CFAP141: variants seen among roughly 807,000 people sequenced by gnomAD.
The protein encoded by CFAP141 is cilia and flagella associated protein 141, also known as cilia- and flagella-associated protein 141.
At chr1:154,199,387 C>T in the CFAP141 span, 2 of 1,367,094 alleles carry the variant, frequency 1.5e-6, no homozygotes, top group Admixed American at 3.8e-5. Context: ...GCTAGGTTAG[C>T]AGGCATGTTG....
the CFAP141 span, chr1:154,200,439 G>C: frequency 6.2e-6 from 10 of 1,613,196 alleles, no homozygotes; most frequent in Admixed American, 1.7e-4. Flanking sequence ...GAGACTTCAG[G>C]TTGCCCTGCT....
At chr1:154,200,711 TCA>T in the CFAP141 span, 5 of 1,127,606 alleles carry the variant, frequency 4.4e-6, no homozygotes, top group Non-Finnish European at 6.3e-6. Context: ...AGACAGAGTT[TCA>T]CTCTTGTTGC....
At chr1:154,206,239 A>C in the CFAP141 span, 1 of 1,608,164 alleles carries the variant, frequency 6.2e-7, no homozygotes, top group Admixed American at 1.7e-5. Flanking sequence ...AACTTCATCA[A>C]ACTTCAACCC....
the CFAP141 span, chr1:154,205,546 A>G: frequency 6.5e-7 from 1 of 1,543,602 alleles, no homozygotes; most frequent in Non-Finnish European, 9.0e-7. Context: ...GGAAGACAGC[A>G]GAGTGGAAAG....
chr1:154,204,153 C>A, the CFAP141 span, among the ~76,000 whole-genome samples: 1 of 152,020 alleles, frequency 6.6e-6, no homozygotes, highest in Non-Finnish European at 1.5e-5. Flanking sequence ...TGTGTATGTA[C>A]CTTCTAGTGC....
At chr1:154,202,627 C>T in the CFAP141 span, among the ~76,000 whole-genome samples, 1 of 150,810 alleles carries the variant, frequency 6.6e-6, no homozygotes, top group Non-Finnish European at 1.5e-5. Context: ...GGTGAAACCC[C>T]GTCTCTACTA....
the CFAP141 span, among the ~76,000 whole-genome samples, chr1:154,202,110 T>C: frequency 1.3e-5 from 2 of 152,006 alleles, no homozygotes; most frequent in Non-Finnish European, 2.9e-5. Flanking sequence ...CTAATTTTCA[T>C]ATTTTTAGTA....
the CFAP141 span, chr1:154,199,525 G>A: frequency 3.6e-4 from 572 of 1,605,240 alleles, 4 homozygotes; most frequent in South Asian, 5.8e-3. Context: ...GCAGCTTGAC[G>A]GACCTGGTGG....
At chr1:154,205,709 C>T in the CFAP141 span, 4 of 1,147,340 alleles carry the variant, frequency 3.5e-6, no homozygotes, top group Admixed American at 2.1e-5. Flanking sequence ...AGACATAGAC[C>T]TTTTTTTTTT....
At chr1:154,203,234 T>TAC in the CFAP141 span, among the ~76,000 whole-genome samples, 2 of 78,304 alleles carry the variant, frequency 2.6e-5, no homozygotes, top group Non-Finnish European at 5.1e-5. Context: ...TATATATATA[T>TAC]ACTTTGTTGG....
At chr1:154,203,117 T>A in the CFAP141 span, among the ~76,000 whole-genome samples, 4 of 135,548 alleles carry the variant, frequency 3.0e-5, no homozygotes, top group Non-Finnish European at 6.3e-5. Context: ...TAAGACTCTG[T>A]CTTAGAGAGA....
At chr1:154,206,212 T>A in the CFAP141 span, 1 of 1,461,124 alleles carries the variant, frequency 6.8e-7, no homozygotes, top group African/African-American at 1.4e-5. Flanking sequence ...GATGCACTTA[T>A]AGTAAATTGA....
chr1:154,205,704 T>TA, the CFAP141 span: 1 of 1,432,556 alleles, frequency 7.0e-7, no homozygotes, highest in Non-Finnish European at 9.8e-7. Context: ...ATGAGAGACA[T>TA]AGACCTTTTT....
At chr1:154,205,542 C>T in the CFAP141 span, 2 of 1,529,490 alleles carry the variant, frequency 1.3e-6, no homozygotes, top group Non-Finnish European at 1.8e-6. Flanking sequence ...TCAGGGAAGA[C>T]AGCAGAGTGG....
chr1:154,202,945 A>AC, the CFAP141 span, among the ~76,000 whole-genome samples: 1 of 151,372 alleles, frequency 6.6e-6, no homozygotes, highest in East Asian at 2.0e-4. Flanking sequence ...ACATGGTGAA[A>AC]CCCCATCTCT....
At chr1:154,203,230 T>TGGGA in the CFAP141 span, among the ~76,000 whole-genome samples, 1 of 82,540 alleles carries the variant, frequency 1.2e-5, no homozygotes, top group Non-Finnish European at 2.4e-5. Context: ...TATATATATA[T>TGGGA]ATATACTTTG....
the CFAP141 span, among the ~76,000 whole-genome samples, chr1:154,200,113 G>T: frequency 6.6e-6 from 1 of 152,160 alleles, no homozygotes; most frequent in Non-Finnish European, 1.5e-5. Flanking sequence ...GGGCTCAAGC[G>T]ATCTGCCCGT....
the CFAP141 span, chr1:154,199,239 A>C: frequency 2.1e-6 from 1 of 483,246 alleles, no homozygotes. Context: ...TGTTTCATAG[A>C]TTGTTTCCCA....
the CFAP141 span, among the ~76,000 whole-genome samples, chr1:154,202,593 G>C: frequency 2.6e-5 from 4 of 151,720 alleles, no homozygotes; most frequent in African/African-American, 9.7e-5. Flanking sequence ...GAGGTCAGGA[G>C]ATCGAGACCA....
Sources: gnomAD v4.1 joint callset for allele counts (sites outside exome capture counted in the v4.1 genomes callset) on GRCh38, gnomAD v4.1.1 for gene constraint, MANE v1.5 for transcripts, NCBI Gene and HGNC (gene_info 2026-07-23, HGNC 2026-07-21) for gene names.